The following CCSER2 variants were observed in gnomAD, a reference collection of about 807,000 sequenced individuals.
CCSER2 encodes serine-rich coiled-coil domain-containing protein 2.
CCSER2 carries 46 observed loss-of-function variants against 92.3 expected under a neutral mutation model. That is an observed-to-expected ratio of 0.50 (90% CI 0.39 to 0.64). CCSER2 has a LOEUF of 0.64. Among genes scored for constraint, CCSER2 ranks in the 30% least tolerant of loss-of-function variants. CCSER2 has a pLI of 0.00. For synonymous variants in CCSER2, 433 were observed against 431.4 expected (o/e 1.00, Z -0.04); for missense variants, 1,244 against 1,238.9 (o/e 1.00, Z -0.06).
At chr10:84,474,707 G>GTTA (rs1190171331) in intron 8 of CCSER2, among the ~76,000 whole-genome samples, 2 of 150,584 alleles carry the variant, frequency 1.3e-5, no homozygotes, top group Admixed American at 1.3e-4. Context: ...ACCATATAGG[G>GTTA]TTATGATAGT....
rs1385403427 is a variant in CCSER2, at chr10:84,471,532, A to G, written c.2235+1074A>G. Among the ~76,000 whole-genome samples, 5 of 152,134 alleles carry G rather than the reference A, an allele frequency of 3.3e-5. No homozygotes were observed. In the East Asian group the frequency reaches 5.8e-4, roughly 18 times the overall value. On this transcript the variant is annotated intron_variant, in intron 8 of 9. Transcript: ENST00000372088. ...TTATGAACCTCCTATTTTATATCCAAGCAAGTTTTTATTTATATACAAAGG... is the reference window on the plus strand; with the variant it reads ...TTATGAACCTCCTATTTTATATCCAGGCAAGTTTTTATTTATATACAAAGG...
chr10:84,337,306 G>A (rs1015402569), intron 1 of CCSER2, among the ~76,000 whole-genome samples: 3 of 152,204 alleles, frequency 2.0e-5, no homozygotes, highest in African/African-American at 7.2e-5. Flanking sequence ...GAAGCCGCAC[G>A]CCTATAAAGA....
intron 5 of CCSER2, among the ~76,000 whole-genome samples, chr10:84,429,423 C>A (rs1440726007): frequency 6.6e-6 from 1 of 151,942 alleles, no homozygotes; most frequent in Non-Finnish European, 1.5e-5. Flanking sequence ...GCAATAAATT[C>A]TCTGTTTTTG....
At chr10:84,329,635 A>G (rs191263150) in intron 1 of CCSER2, among the ~76,000 whole-genome samples, 1 of 151,992 alleles carries the variant, frequency 6.6e-6, no homozygotes, top group Admixed American at 6.6e-5. Context: ...GAACCTATTC[A>G]TTTGGCCAGT....
At chr10:84,513,004 CTTG>C (rs1303413595) in intron 9 of CCSER2, among the ~76,000 whole-genome samples, 1 of 152,054 alleles carries the variant, frequency 6.6e-6, no homozygotes, top group Non-Finnish European at 1.5e-5. Flanking sequence ...AAGAACAACA[CTTG>C]TTAACATGGT....
intron 3 of CCSER2, among the ~76,000 whole-genome samples, chr10:84,387,694 A>AT (rs1841297487): frequency 6.6e-6 from 1 of 151,198 alleles, no homozygotes; most frequent in African/African-American, 2.4e-5. Flanking sequence ...ACGCCTGGCT[A>AT]TTTTTTTGTA....
chr10:84,417,544 A>T (rs1458782077), intron 3 of CCSER2, among the ~76,000 whole-genome samples: 1 of 152,204 alleles, frequency 6.6e-6, no homozygotes, highest in Admixed American at 6.5e-5. Flanking sequence ...ATAAAAATCT[A>T]TTGGGGAGGA....
At chr10:84,435,151 A>G (rs547751604) in intron 5 of CCSER2, among the ~76,000 whole-genome samples, 58 of 152,328 alleles carry the variant, frequency 3.8e-4, no homozygotes, top group African/African-American at 1.2e-3. Context: ...ACTTTGTTCA[A>G]TGAGCAGTAG....
intron 1 of CCSER2, among the ~76,000 whole-genome samples, chr10:84,356,499 T>C (rs4628621): frequency 0.21 from 31,888 of 152,130 alleles, 3,598 homozygotes; most frequent in Admixed American, 0.34. Flanking sequence ...AAAACTGCGC[T>C]ATACTCTATT....
chr10:84,345,369 A>C (rs985751655), intron 1 of CCSER2, among the ~76,000 whole-genome samples: 1 of 152,162 alleles, frequency 6.6e-6, no homozygotes, highest in Admixed American at 6.5e-5. Flanking sequence ...TCTTAATACA[A>C]CTCAGAAACA....
intron 1 of CCSER2, among the ~76,000 whole-genome samples, chr10:84,337,295 A>G (rs1004075889): frequency 1.3e-5 from 2 of 152,220 alleles, no homozygotes; most frequent in Non-Finnish European, 2.9e-5. Flanking sequence ...GAGGAGACCA[A>G]GAAGCCGCAC....
At chr10:84,344,559 G>A (rs1844377536) in intron 1 of CCSER2, among the ~76,000 whole-genome samples, 1 of 152,130 alleles carries the variant, frequency 6.6e-6, no homozygotes, top group South Asian at 2.1e-4. Context: ...AGTTGATAGT[G>A]GGATGTATGT....
intron 3 of CCSER2, among the ~76,000 whole-genome samples, chr10:84,389,864 C>T (rs1207816566): frequency 2.6e-5 from 4 of 152,200 alleles, no homozygotes; most frequent in East Asian, 1.9e-4. Context: ...TCTTTGAGCA[C>T]TCCCTTGCTC....
chr10:84,358,239 G>T (rs1390454746), intron 1 of CCSER2, among the ~76,000 whole-genome samples: 1 of 152,132 alleles, frequency 6.6e-6, no homozygotes, highest in African/African-American at 2.4e-5. Flanking sequence ...TGCAGCTTTG[G>T]TTGAGTACCA....
chr10:84,388,698 G>C (rs909971541), intron 3 of CCSER2, among the ~76,000 whole-genome samples: 5 of 152,152 alleles, frequency 3.3e-5, no homozygotes, highest in Non-Finnish European at 7.4e-5. Context: ...GAGTGCAGAT[G>C]GAGATGGTTT....
chr10:84,474,016 A>G (rs1451217849), intron 8 of CCSER2, among the ~76,000 whole-genome samples: 1 of 152,268 alleles, frequency 6.6e-6, no homozygotes, highest in Non-Finnish European at 1.5e-5. Flanking sequence ...ATTTAAAATC[A>G]GATTGCAGCG....
At chr10:84,334,116 G>A (rs936154950) in intron 1 of CCSER2, among the ~76,000 whole-genome samples, 1 of 152,160 alleles carries the variant, frequency 6.6e-6, no homozygotes, top group Admixed American at 6.5e-5. Context: ...AGGCAGAGGG[G>A]TAGGGAAGTA....
chr10:84,501,667 A>G (rs545994771), intron 9 of CCSER2, among the ~76,000 whole-genome samples: 2 of 144,254 alleles, frequency 1.4e-5, no homozygotes, highest in Non-Finnish European at 3.0e-5. Context: ...TTTGTTTCCA[A>G]CTGTGAAGCA....
chr10:84,440,790 A>G (rs532896560), intron 6 of CCSER2, among the ~76,000 whole-genome samples: 1 of 152,330 alleles, frequency 6.6e-6, no homozygotes, highest in Non-Finnish European at 1.5e-5. Flanking sequence ...TTTGATTGAT[A>G]TTAATAAGTT....
Sources: allele counts gnomAD v4.1 joint callset (sites outside exome capture counted in the v4.1 genomes callset), GRCh38; gene constraint gnomAD v4.1.1; transcripts MANE v1.5; gene names NCBI Gene and HGNC (gene_info 2026-07-23, HGNC 2026-07-21).